The following ARL10 variants were observed in gnomAD, a reference collection of about 807,000 sequenced individuals.
The protein encoded by ARL10 is ADP-ribosylation factor-like protein 10.
In ARL10, 23 loss-of-function variants were observed where a neutral mutation model predicts 26.1. That is an observed-to-expected ratio of 0.88 (90% confidence interval 0.63 to 1.25). The LOEUF (loss-of-function observed/expected upper bound fraction) is 1.25, where lower values mean the gene tolerates loss of function less well. ARL10 is among the 50% of genes most tolerant of loss of function. The probability of loss-of-function intolerance (pLI) is 0.00; values close to 1 mark genes in which losing one functional copy is unlikely to be tolerated. For missense variants in ARL10, 300 were observed against 323.6 expected, an observed-to-expected ratio of 0.93 and a Z score of 0.56; for synonymous variants, 138 against 149.1, an observed-to-expected ratio of 0.93 and a Z score of 0.54.
At chr5:176,396,073 C>A (rs1348776338) in intron 1 of ARL10, among the ~76,000 whole-genome samples, 9 of 151,950 alleles carry the variant, frequency 5.9e-5, no homozygotes, top group Admixed American at 5.9e-4. Flanking sequence ...AGGTGGAGGT[C>A]GCAGTGAGCC....
Position 176,372,160 on chromosome 5 carries a change from C to G in ARL10, c.*265C>G. ...GCTCATTCCAGGCTGGAATGTGGATCCAGCTTTCCCTTCTCTTACCTGTAC... is the reference window on the plus strand; with the variant it reads ...GCTCATTCCAGGCTGGAATGTGGATGCAGCTTTCCCTTCTCTTACCTGTAC... On this transcript the variant is annotated 3_prime_UTR_variant, in exon 4 of 4. Transcript: ENST00000310389. 8.4e-7 allele frequency: 1 copy of G among 1,188,320 alleles called. No homozygotes were observed. The highest frequency in any genetic ancestry group is 1.1e-6 in the Non-Finnish European group (1 of 905,974). 73.6% of individuals were successfully genotyped at this position (1,188,320 alleles called of 1,614,324 possible).
chr5:176,399,624 T>A (rs927380575), intron 1 of ARL10, among the ~76,000 whole-genome samples: 1 of 152,166 alleles, frequency 6.6e-6, no homozygotes, highest in Non-Finnish European at 1.5e-5. Context: ...CCAGGCACGG[T>A]GGCTCACGCC....
At chr5:176,388,414 G>A (rs376729124) in exon 2 of ARL10, 53 of 1,613,550 alleles carry the variant, frequency 3.3e-5, no homozygotes, top group Non-Finnish European at 4.4e-5. Flanking sequence ...ACGGCCACCC[G>A]GAACCCCAGC....
Position 176,375,238 on chromosome 5 carries a change from AT to A in ARL10, c.*3344del, listed in dbSNP as rs1768661622. ...CACCCATCCACCCATCCATCCATCCATCCATCCATCCTTCCATCCATCCACC... is the reference window on the plus strand; with the variant it reads ...CACCCATCCACCCATCCATCCATCCACCATCCATCCTTCCATCCATCCACC... On this transcript the variant is annotated 3_prime_UTR_variant, in exon 4 of 4. Transcript: ENST00000310389. 4 of 121,216 alleles carry A rather than the reference AT, an allele frequency of 3.3e-5. No homozygotes were observed. The highest frequency in any genetic ancestry group is 2.7e-4 in the East Asian group (1 of 3,700). The allele number at this position is 121,216 out of a possible 1,614,324, so 7.5% of individuals were successfully genotyped here.
intron 1 of ARL10, among the ~76,000 whole-genome samples, chr5:176,401,101 G>A (rs1014351647): frequency 6.6e-6 from 1 of 152,164 alleles, no homozygotes; most frequent in Non-Finnish European, 1.5e-5. Flanking sequence ...ATCCCAGTGG[G>A]CCCTTCTGGG....
chr5:176,395,279 C>T (rs945068449), intron 1 of ARL10, among the ~76,000 whole-genome samples: 1 of 152,208 alleles, frequency 6.6e-6, no homozygotes, highest in Non-Finnish European at 1.5e-5. Flanking sequence ...GAAGCCTGCC[C>T]AGGCTCCCCA....
chr5:176,387,090 CTTTT>C, intron 1 of ARL10: 1 of 565,018 alleles, frequency 1.8e-6, no homozygotes, highest in Non-Finnish European at 3.1e-6. Flanking sequence ...TTTTTTTTTT[CTTTT>C]TCTTTTTGAG....
chr5:176,404,374 C>T (rs1159337098), downstream of ARL10, among the ~76,000 whole-genome samples: 4 of 152,216 alleles, frequency 2.6e-5, no homozygotes, highest in African/African-American at 7.2e-5. Flanking sequence ...GAGAAGCGTC[C>T]GGGGCTGCAG....
At chr5:176,389,052 T>C (rs1282765542), downstream of ARL10, 7 of 1,546,796 alleles carry the variant, frequency 4.5e-6, no homozygotes, top group African/African-American at 4.1e-5. Context: ...ACCAGAGCGC[T>C]AGCGGGGAGC....
intron 3 of ARL10, among the ~76,000 whole-genome samples, chr5:176,369,609 T>C (rs373327136): frequency 6.6e-6 from 1 of 152,326 alleles, no homozygotes; most frequent in African/African-American, 2.4e-5. Flanking sequence ...ATTCCCATTT[T>C]ATAGATGGGA....
At chr5:176,387,133 A>C (rs1755922112) in intron 1 of ARL10, among the ~76,000 whole-genome samples, 1 of 151,676 alleles carries the variant, frequency 6.6e-6, no homozygotes, top group Admixed American at 6.6e-5. Flanking sequence ...GCCCAGGTTC[A>C]AATGCAGTGG....
rs1768590603 is a variant in ARL10, at chr5:176,372,970, C to T, written c.*1075C>T. ...AGTGGAGACAAAGTTGTGGGTTCCT[C>T]CTCCCACCTGGCTTTGAGGCTGTCG... On this transcript the variant is annotated 3_prime_UTR_variant, in exon 4 of 4. Transcript: ENST00000310389. 2 of 398,568 alleles carry T rather than the reference C, an allele frequency of 5.0e-6. No individual in the cohort carries two copies. Among genetic ancestry groups the T allele is most frequent in the Non-Finnish European group, 8.8e-6 (2 of 226,050 alleles). 24.7% of individuals were successfully genotyped at this position (398,568 alleles called of 1,614,324 possible).
chr5:176,382,638 T>G (rs1755580200), downstream of ARL10, among the ~76,000 whole-genome samples: 1 of 152,134 alleles, frequency 6.6e-6, no homozygotes, highest in Admixed American at 6.5e-5. Flanking sequence ...TCACCAGAGA[T>G]AGCTTCCTGG....
chr5:176,412,914 T>G, the ARL10 span, among the ~76,000 whole-genome samples: 6 of 152,270 alleles, frequency 3.9e-5, no homozygotes, highest in East Asian at 1.2e-3. Flanking sequence ...TTCCCTGTGA[T>G]GCCGGTCTGT....
chr5:176,366,934 C>T (rs1032096278), intron 2 of ARL10, among the ~76,000 whole-genome samples: 2 of 151,628 alleles, frequency 1.3e-5, no homozygotes, highest in Non-Finnish European at 2.9e-5. Context: ...TCACTACCCT[C>T]GTTATCTCCA....
chr5:176,387,627 C>T (rs545726671), intron 1 of ARL10, among the ~76,000 whole-genome samples: 1 of 152,318 alleles, frequency 6.6e-6, no homozygotes, highest in East Asian at 1.9e-4. Context: ...AGATGAATTG[C>T]TTGCTTTTCT....
chr5:176,401,192 C>A (rs975196532), intron 1 of ARL10, among the ~76,000 whole-genome samples: 2 of 152,250 alleles, frequency 1.3e-5, no homozygotes, highest in Non-Finnish European at 2.9e-5. Context: ...CCAGGGACTC[C>A]TCCCAGCACC....
At chr5:176,400,121 G>A (rs746134964) in intron 1 of ARL10, among the ~76,000 whole-genome samples, 11 of 150,456 alleles carry the variant, frequency 7.3e-5, no homozygotes, top group Middle Eastern at 3.5e-3. Context: ...AATCCGGGGC[G>A]GGGCAGGGGA....
At chr5:176,408,964 T>C in the ARL10 span, among the ~76,000 whole-genome samples, 3 of 152,164 alleles carry the variant, frequency 2.0e-5, no homozygotes, top group African/African-American at 2.4e-5. Flanking sequence ...CTTTCAGATA[T>C]GTAGTGCAAA....
Sources: gnomAD v4.1 joint callset for allele counts (sites outside exome capture counted in the v4.1 genomes callset) on GRCh38, gnomAD v4.1.1 for gene constraint, MANE v1.5 for transcripts, NCBI Gene and HGNC (gene_info 2026-07-23, HGNC 2026-07-21) for gene names.